TTC38: variants seen among roughly 807,000 people sequenced by gnomAD.
TTC38 encodes the protein tetratricopeptide repeat domain 38.
Under a neutral mutation model 64.2 loss-of-function variants are expected in TTC38, and 64 were observed. The observed-to-expected ratio is 1.00, with a 90% CI of 0.81 to 1.23. The LOEUF is 1.23. TTC38 is among the 50% of genes most tolerant of loss of function. The probability of loss-of-function intolerance (pLI) is 0.00; values close to 1 mark genes in which losing one functional copy is unlikely to be tolerated. For missense variants in TTC38, 573 were observed against 615.5 expected (o/e 0.93, Z 0.73); for synonymous variants, 254 against 249.3 (o/e 1.02, Z -0.18).
Position 46,289,463 on chromosome 22 carries a change from G to T in TTC38, c.1144G>T (p.Ala382Ser). Reference protein sequence around the residue: ...ARDVGLPLCQALVEAEDGNPD... With the variant: ...ARDVGLPLCQSLVEAEDGNPD... Reference sequence around the variant, plus strand: ...AGACGTGGGGCTGCCCCTGTGCCAGGCCCTGGTGGAGGCTGAGGACGGGAA... The same window carrying T: ...AGACGTGGGGCTGCCCCTGTGCCAGTCCCTGGTGGAGGCTGAGGACGGGAA... Residue 382 changes from alanine to serine, a missense_variant, in exon 12 of 14, where the codon GCC (alanine) becomes TCC (serine). Transcript: ENST00000381031. 1.2e-6 allele frequency: 2 copies of T among 1,609,678 alleles called. No individual in the cohort carries two copies.
Position 46,268,566 on chromosome 22 carries a change from A to G in TTC38, c.86A>G (p.Lys29Arg). ...PLSTTSNEAC[K>R]LFDATLTQYV... ...TCCACCACAAGCAACGAAGCCTGCA[A>G]GCTGTTCGATGCCACGCTGACCCAG... The change falls in exon 2 of 14, where the codon AAG becomes AGG. Residue 29 changes from lysine to arginine, a missense_variant. Lys to Arg is a conservative substitution (Grantham distance 26). Transcript: ENST00000381031. 6.2e-7 allele frequency: 1 copy of G among 1,614,068 alleles called. No individual in the cohort carries two copies. The highest frequency in any genetic ancestry group is 8.5e-7 in the Non-Finnish European group (1 of 1,180,044).
At chr22:46,280,105 G>T in intron 6 of TTC38, 1 of 471,112 alleles carries the variant, frequency 2.1e-6, no homozygotes, top group Non-Finnish European at 4.4e-6. Context: ...GCACCCCACA[G>T]ACAACTACTG....
intron 10 of TTC38, 110 bp from the exon 11 acceptor site, chr22:46,288,312 CT>C: frequency 8.5e-7 from 1 of 1,173,708 alleles, no homozygotes; most frequent in East Asian, 2.4e-5. Flanking sequence ...GGCCTCTCAC[CT>C]GGGACAGGGT....
intron 5 of TTC38, among the ~76,000 whole-genome samples, chr22:46,277,045 A>G (rs1442065895): frequency 5.6e-5 from 3 of 53,202 alleles, no homozygotes; most frequent in African/African-American, 2.5e-4. Context: ...ATATATATAC[A>G]TACACACACA....
intron 5 of TTC38, among the ~76,000 whole-genome samples, chr22:46,277,958 T>G (rs9626842): frequency 0.011 from 1,730 of 152,270 alleles, 38 homozygotes; most frequent in African/African-American, 0.039. Flanking sequence ...TGTTGATTCT[T>G]AGAAGGTGGG....
chr22:46,281,478 CCCACTTGCTCCA>C lies in TTC38; in HGVS notation c.616-118_616-107del. On this transcript the variant is annotated intron_variant, in intron 6 of 13. Coordinates refer to ENST00000381031, the MANE Select transcript of TTC38 (RefSeq NM_017931.4). The surrounding 1 kb of genome is among the most constrained non-coding windows in gnomAD (Gnocchi z 5.2). ...GTGTTTTGAGTCAGAGCCCCGCCCC[CCCACTTGCTCCA>C]CCCCGTTCAGCCCAGGCCCCTCTTG... The C allele has an allele frequency of 9.1e-7, 1 of 1,101,382 alleles. No individual in the cohort carries two copies. Among genetic ancestry groups the C allele is most frequent in the Non-Finnish European group, 1.3e-6 (1 of 761,562 alleles). The allele number at this position is 1,101,382 out of a possible 1,614,324, so 68.2% of individuals were successfully genotyped here. A position where few individuals can be genotyped will look rare whatever the true frequency, so the allele number is the denominator to read the frequency against.
In TTC38 at chr22:46,282,230, T is replaced by G; in HGVS notation, c.735+512T>G. 1 of 302,932 alleles carries G rather than the reference T, an allele frequency of 3.3e-6. No individual in the cohort carries two copies. The highest frequency in any genetic ancestry group is 6.6e-6 in the Non-Finnish European group (1 of 150,688). 18.8% of individuals were successfully genotyped at this position (302,932 alleles called of 1,614,324 possible). On this transcript the variant is annotated intron_variant, in intron 7 of 13. Coordinates refer to ENST00000381031, the MANE Select transcript of TTC38 (RefSeq NM_017931.4). The surrounding 1 kb of genome is among the most constrained non-coding windows in gnomAD (Gnocchi z 4.4). Reference sequence around the variant, plus strand: ...TGAGCAAGGCCTCCAAGGCCTACAGTGGCCTGTGAGGGAGAGGAGAGCTGC... The same window carrying G: ...TGAGCAAGGCCTCCAAGGCCTACAGGGGCCTGTGAGGGAGAGGAGAGCTGC...
At chr22:46,277,297 C>T (rs1256088857) in intron 5 of TTC38, among the ~76,000 whole-genome samples, 3 of 152,002 alleles carry the variant, frequency 2.0e-5, no homozygotes, top group African/African-American at 4.8e-5. Flanking sequence ...CTCGGGTGCG[C>T]AGTTGCAGAT....
In TTC38 at chr22:46,273,002, G is replaced by A. The variant is rs372497572; in HGVS notation, c.193+586G>A. Among the ~76,000 whole-genome samples, 1 of 152,296 alleles carries A rather than the reference G, an allele frequency of 6.6e-6. No individual in the cohort carries two copies. The highest frequency in any genetic ancestry group is 2.4e-5 in the African/African-American group (1 of 41,546). On this transcript the variant is annotated intron_variant, in intron 3 of 13. Coordinates refer to ENST00000381031, the MANE Select transcript of TTC38 (RefSeq NM_017931.4). This position sits in a 1 kb window ranked among gnomAD's most constrained non-coding sequence, Gnocchi z 5.1. The stretch of plus-strand genomic sequence containing the variant: ...GGGCCTGGGAGAAGGTCTGATGAGG[G>A]GACAGGGCTCTTGTCAGTGCGGCAG...
At chr22:46,280,614 A>G (rs879429873) in intron 6 of TTC38, among the ~76,000 whole-genome samples, 12 of 152,220 alleles carry the variant, frequency 7.9e-5, no homozygotes, top group Non-Finnish European at 1.8e-4. Flanking sequence ...TCCCCTACAG[A>G]CACACTTTCT....
intron 6 of TTC38, among the ~76,000 whole-genome samples, chr22:46,280,772 A>T (rs183452615): frequency 2.6e-5 from 4 of 152,322 alleles, no homozygotes; most frequent in African/African-American, 9.6e-5. Context: ...CTGGACCCCT[A>T]TGAAAGGCGT....
rs130645 is a variant in TTC38, at chr22:46,276,759, AAAAATATATATTAAATATATATT to A, written c.539+1354_539+1376del. Among the ~76,000 whole-genome samples, 2,704 of 145,126 alleles carry A rather than the reference AAAAATATATATTAAATATATATT, an allele frequency of 0.019. 56 individuals are homozygous for A. The highest frequency in any genetic ancestry group is 0.036 in the Middle Eastern group (10 of 276). The stretch of plus-strand genomic sequence containing the variant: ...AAAATATATATAAAATACATATATT[AAAAATATATATTAAATATATATT>A]AAAATATATATTAAAAATTATATAT... On this transcript the variant is annotated intron_variant, in intron 5 of 13. Coordinates refer to ENST00000381031, the MANE Select transcript of TTC38 (RefSeq NM_017931.4). The surrounding 1 kb of genome is among the most constrained non-coding windows in gnomAD (Gnocchi z 4.7).
Position 46,272,489 on chromosome 22 carries a change from G to C in TTC38, c.193+73G>C, listed in dbSNP as rs1335168372. The C allele has an allele frequency of 1.5e-6, 2 of 1,338,108 alleles. No homozygotes were observed. Among genetic ancestry groups the C allele is most frequent in the Non-Finnish European group, 2.1e-6 (2 of 936,638 alleles). 82.9% of individuals were successfully genotyped at this position (1,338,108 alleles called of 1,614,324 possible). ...GCCCCTCTCTTTCCTTTACCACAGGGACACAGTTGGGATGGGGAAGGCAGG... is the reference window on the plus strand; with the variant it reads ...GCCCCTCTCTTTCCTTTACCACAGGCACACAGTTGGGATGGGGAAGGCAGG... On this transcript the variant is annotated intron_variant, in intron 3 of 13. Transcript: ENST00000381031. The surrounding 1 kb of genome is among the most constrained non-coding windows in gnomAD (Gnocchi z 6.4).
intron 9 of TTC38, among the ~76,000 whole-genome samples, chr22:46,286,106 A>T (rs1047327699): frequency 6.6e-6 from 1 of 151,580 alleles, no homozygotes; most frequent in Non-Finnish European, 1.5e-5. Context: ...AACATTCTTC[A>T]TCTACCCAAA....
intron 7 of TTC38, 35 bp from the exon 8 acceptor site, chr22:46,283,938 C>G (rs200798835): frequency 1.0e-5 from 15 of 1,442,334 alleles, no homozygotes; most frequent in East Asian, 2.8e-5. Context: ...GGCCTTCAGA[C>G]TTTTCATAAA....
In TTC38 at chr22:46,272,017, A is replaced by G. The variant is rs560818347; in HGVS notation, c.112-318A>G. On this transcript the variant is annotated intron_variant, in intron 2 of 13. Transcript: ENST00000381031. The surrounding 1 kb of genome is among the most constrained non-coding windows in gnomAD (Gnocchi z 6.4). ...ATTTTTATTTTTTGTTTTTTGAGACAGTCTCTCTCTGCCATCCAGGCTGGA... is the reference window on the plus strand; with the variant it reads ...ATTTTTATTTTTTGTTTTTTGAGACGGTCTCTCTCTGCCATCCAGGCTGGA... Among the ~76,000 whole-genome samples the G allele has an allele frequency of 1.1e-3, 168 of 152,040 alleles. 1 individual carries two copies. Among genetic ancestry groups the G allele is most frequent in the Middle Eastern group, 3.5e-3 (1 of 288 alleles).
At chr22:46,269,166 G>A (rs1173931332) in intron 2 of TTC38, 2 of 430,720 alleles carry the variant, frequency 4.6e-6, no homozygotes, top group African/African-American at 2.1e-5. Context: ...GGTGGACAGC[G>A]GTGGGTGCAG....
rs1449816680 is a variant in TTC38 at position 46,289,539 on chromosome 22, A to G, written c.1220A>G (p.Gln407Arg). 6.3e-7 allele frequency: 1 copy of G among 1,597,036 alleles called. No homozygotes were observed. The highest frequency in any genetic ancestry group is 1.7e-5 in the Admixed American group (1 of 59,266). The change falls in exon 12 of 14, where the codon CAG becomes CGG. Residue 407 changes from glutamine (Q) to arginine (R), a missense_variant. By Grantham distance (43) the Gln-to-Arg change is conservative. Around this residue, in one of 3 missense-constraint regions of TTC38, gnomAD observed 371 missense variants for 381.8 expected, o/e 0.97. Coordinates refer to ENST00000381031, the MANE Select transcript of TTC38 (RefSeq NM_017931.4). ...CTGCCCATCCGCTACCGGATCGTCCAGCTCGGTGGGAGCAATGCCCAGGTG... is the reference window on the plus strand; with the variant it reads ...CTGCCCATCCGCTACCGGATCGTCCGGCTCGGTGGGAGCAATGCCCAGGTG... ...LLLPIRYRIV[Q>R]LGGSNAQRDV...
At chr22:46,287,207 G>A in intron 10 of TTC38, 53 bp downstream of exon 10, 1 of 1,503,644 alleles carries the variant, frequency 6.7e-7, no homozygotes, top group South Asian at 1.2e-5. Flanking sequence ...CACATCATGA[G>A]GAGAGGGTGC....
Sources: gnomAD v4.1 joint callset for allele counts (sites outside exome capture counted in the v4.1 genomes callset) on GRCh38, gnomAD v4.1.1 for gene constraint, gnomAD v4.1.1 regional missense constraint, Gnocchi (gnomAD v3.1) non-coding constraint, MANE v1.5 for transcripts, NCBI Gene and HGNC (gene_info 2026-07-23, HGNC 2026-07-21) for gene names.